The following DGKB variants were observed in gnomAD, a reference collection of about 807,000 sequenced individuals.
The protein encoded by DGKB is diacylglycerol kinase beta.
A neutral mutation model predicts 114.3 loss-of-function variants in DGKB; 67 were observed. The observed-to-expected ratio is 0.59, with a 90% CI of 0.48 to 0.72. DGKB has a LOEUF of 0.72. Ranked by LOEUF, DGKB falls within the 30% of genes least tolerant of loss-of-function variation. The pLI, the probability that DGKB is intolerant of heterozygous loss-of-function variation, is 0.00. For synonymous variants in DGKB, 398 were observed against 323.1 expected (o/e 1.23, Z -2.49); for missense variants, 907 against 975.2 (o/e 0.93, Z 0.93).
chr7:14,649,449 A>C (rs960164617), intron 13 of DGKB, among the ~76,000 whole-genome samples: 4 of 151,118 alleles, frequency 2.6e-5, no homozygotes, highest in African/African-American at 7.3e-5. Context: ...AAATGCTGAG[A>C]GATTTTGTCA....
intron 17 of DGKB, among the ~76,000 whole-genome samples, chr7:14,603,455 A>C (rs1467123256): frequency 1.3e-5 from 2 of 152,108 alleles, no homozygotes; most frequent in Non-Finnish European, 2.9e-5. Flanking sequence ...ATAAGCTCTG[A>C]TTTTCCTTAA....
chr7:14,814,525 T>G (rs1843848611), intron 2 of DGKB, among the ~76,000 whole-genome samples: 1 of 152,170 alleles, frequency 6.6e-6, no homozygotes, highest in African/African-American at 2.4e-5. Context: ...TTTTTTAAAT[T>G]AATTTTTTAT....
chr7:14,935,419 T>G (rs1482997751), intron 1 of DGKB, among the ~76,000 whole-genome samples: 1 of 152,018 alleles, frequency 6.6e-6, no homozygotes, highest in Non-Finnish European at 1.5e-5. Context: ...ATCAGACAAT[T>G]TTTGACAAAA....
intron 2 of DGKB, among the ~76,000 whole-genome samples, chr7:14,770,166 G>C (rs1837208086): frequency 6.6e-6 from 1 of 152,050 alleles, no homozygotes; most frequent in African/African-American, 2.4e-5. Context: ...TAGGGCCTCT[G>C]AGAAGCCTTA....
chr7:14,644,645 C>T lies in DGKB; in HGVS notation c.1135-14377G>A, dbSNP rs187500403. ...CAGATCTTTTGAAGTATCCTAGTCA[C>T]ACACAAAAAAAAGAGAAAAAGAATT... On this transcript the variant is annotated intron_variant, in intron 13 of 25. Coordinates refer to ENST00000402815, the MANE Select transcript of DGKB (RefSeq NM_001350709.2). 1.5e-3 allele frequency among the ~76,000 whole-genome samples: 222 copies of T among 151,782 alleles called. 1 individual carries two copies. The highest frequency in any genetic ancestry group is 5.3e-3 in the African/African-American group (220 of 41,390).
At chr7:14,847,056 C>T (rs1027300195) in intron 1 of DGKB, among the ~76,000 whole-genome samples, 12 of 151,968 alleles carry the variant, frequency 7.9e-5, no homozygotes, top group African/African-American at 1.4e-4. Flanking sequence ...TTTGGGAGGC[C>T]GAGGCGGGCG....
intron 20 of DGKB, among the ~76,000 whole-genome samples, chr7:14,572,878 A>G (rs1798598878): frequency 6.6e-6 from 1 of 152,200 alleles, no homozygotes; most frequent in Non-Finnish European, 1.5e-5. Flanking sequence ...ATTTGGTTAC[A>G]TGAGTAAGTC....
intron 17 of DGKB, among the ~76,000 whole-genome samples, chr7:14,588,483 A>G (rs77020179): frequency 0.02 from 2,974 of 152,202 alleles, 48 homozygotes; most frequent in Non-Finnish European, 0.028. Context: ...TACTTTTGAC[A>G]TAGAAATTCT....
intron 25 of DGKB, among the ~76,000 whole-genome samples, chr7:14,150,402 A>C (rs1189561338): frequency 1.3e-5 from 2 of 152,144 alleles, no homozygotes; most frequent in Admixed American, 1.3e-4. Flanking sequence ...AAACAAAAAA[A>C]TGTACATCAC....
chr7:14,973,004 G>A (rs960793501), intron 1 of DGKB, among the ~76,000 whole-genome samples: 1 of 151,866 alleles, frequency 6.6e-6, no homozygotes, highest in Non-Finnish European at 1.5e-5. Flanking sequence ...TTAGATGGAT[G>A]GTTTGGAACA....
At chr7:14,689,458 A>T (rs1264502578) in intron 9 of DGKB, among the ~76,000 whole-genome samples, 2 of 152,144 alleles carry the variant, frequency 1.3e-5, no homozygotes, top group African/African-American at 4.8e-5. Flanking sequence ...GGCGTGAGCC[A>T]CCGCGCCCGG....
chr7:14,192,697 T>C (rs1406571786), intron 23 of DGKB, among the ~76,000 whole-genome samples: 1 of 152,142 alleles, frequency 6.6e-6, no homozygotes, highest in African/African-American at 2.4e-5. Flanking sequence ...TCCAAGTGCA[T>C]TACATTTATT....
At chr7:14,607,190 TATC>T (rs1366129204) in intron 17 of DGKB, among the ~76,000 whole-genome samples, 3 of 136,942 alleles carry the variant, frequency 2.2e-5, no homozygotes, top group African/African-American at 7.8e-5. Flanking sequence ...GTGAGATTAA[TATC>T]ATCATTAGTA....
At chr7:14,851,576 ACT>A (rs1849356878) in intron 1 of DGKB, among the ~76,000 whole-genome samples, 1 of 152,158 alleles carries the variant, frequency 6.6e-6, no homozygotes, top group African/African-American at 2.4e-5. Context: ...CTTCAGGAAC[ACT>A]GTTATACTTC....
intron 21 of DGKB, among the ~76,000 whole-genome samples, chr7:14,418,114 G>A (rs1421318993): frequency 7.5e-6 from 1 of 133,672 alleles, no homozygotes; most frequent in African/African-American, 2.6e-5. Context: ...TGCTTCTAGA[G>A]TTAGAGTTTT....
At chr7:14,914,952 G>A (rs903552760) in intron 1 of DGKB, among the ~76,000 whole-genome samples, 5 of 151,880 alleles carry the variant, frequency 3.3e-5, no homozygotes, top group African/African-American at 1.2e-4. Flanking sequence ...GAACACAGGA[G>A]GAAAATAAGG....
intron 25 of DGKB, among the ~76,000 whole-genome samples, chr7:14,155,913 G>A (rs1782949103): frequency 6.6e-6 from 1 of 152,098 alleles, no homozygotes; most frequent in Admixed American, 6.6e-5. Context: ...AGGGAGAACA[G>A]GTCTTGAGAT....
At chr7:14,494,662 C>T (rs183734785) in intron 20 of DGKB, among the ~76,000 whole-genome samples, 320 of 152,054 alleles carry the variant, frequency 2.1e-3, no homozygotes, top group Middle Eastern at 6.8e-3. Flanking sequence ...GCAAAAACAT[C>T]ACTCATTCTC....
At chr7:14,445,474 T>C (rs1480459918) in intron 21 of DGKB, among the ~76,000 whole-genome samples, 1 of 151,976 alleles carries the variant, frequency 6.6e-6, no homozygotes, top group African/African-American at 2.4e-5. Context: ...TCTTTTTATT[T>C]GCCTAAATTA....
Sources: gnomAD v4.1 joint callset for allele counts (sites outside exome capture counted in the v4.1 genomes callset) on GRCh38, gnomAD v4.1.1 for gene constraint, MANE v1.5 for transcripts, NCBI Gene and HGNC (gene_info 2026-07-23, HGNC 2026-07-21) for gene names.